The following GOLIM4 variants were observed in gnomAD, a reference collection of about 807,000 sequenced individuals.
The protein encoded by GOLIM4 is golgi integral membrane protein 4, also known as 130 kDa golgi-localized phosphoprotein.
A neutral mutation model predicts 107.4 loss-of-function variants in GOLIM4; 71 were observed. That is an observed-to-expected ratio of 0.66 (90% CI 0.55 to 0.81). The LOEUF (loss-of-function observed/expected upper bound fraction) is 0.81, where lower values mean the gene tolerates loss of function less well. Ranked by LOEUF, GOLIM4 falls within the 30% of genes least tolerant of loss-of-function variation. The pLI, the probability that GOLIM4 is intolerant of heterozygous loss-of-function variation, is 0.00. For missense variants in GOLIM4, 830 were observed against 826.1 expected (o/e 1.00, Z -0.06); for synonymous variants, 327 against 294.8 (o/e 1.11, Z -1.12).
chr3:168,037,089 T>C (rs188078540), intron 7 of GOLIM4, 95 bp from the exon 8 acceptor site: 2 of 521,678 alleles, frequency 3.8e-6, no homozygotes, highest in East Asian at 5.4e-5. Flanking sequence ...AAAAATATTG[T>C]ACCTAAATAC....
chr3:168,035,354 C>T (rs1480126141), intron 8 of GOLIM4, among the ~76,000 whole-genome samples: 1 of 152,162 alleles, frequency 6.6e-6, no homozygotes, highest in Non-Finnish European at 1.5e-5. Context: ...GACACATTCA[C>T]TGCAACACTA....
chr3:168,046,018 T>C (rs750800722), intron 3 of GOLIM4, among the ~76,000 whole-genome samples: 4 of 152,146 alleles, frequency 2.6e-5, no homozygotes, highest in Non-Finnish European at 5.9e-5. Context: ...TAGCTGGGAA[T>C]AGAGGCATGT....
intron 1 of GOLIM4, among the ~76,000 whole-genome samples, chr3:168,077,059 A>T (rs1721114731): frequency 6.6e-6 from 1 of 152,248 alleles, no homozygotes; most frequent in South Asian, 2.1e-4. Flanking sequence ...AATGTGACTA[A>T]AATTATGTTG....
intron 1 of GOLIM4, among the ~76,000 whole-genome samples, chr3:168,083,114 G>A (rs1577576570): frequency 1.3e-5 from 2 of 152,074 alleles, no homozygotes; most frequent in African/African-American, 2.4e-5. Flanking sequence ...TTTTCATAAC[G>A]TATTCTTATA....
intron 1 of GOLIM4, among the ~76,000 whole-genome samples, chr3:168,067,360 A>C (rs1333973867): frequency 6.6e-6 from 1 of 152,052 alleles, no homozygotes; most frequent in African/African-American, 2.4e-5. Context: ...AAATGGATAC[A>C]TAATTAGCAG....
chr3:168,095,470 A>G lies in GOLIM4; in HGVS notation c.-185T>C. 1.8e-6 allele frequency: 1 copy of G among 548,102 alleles called. No homozygotes were observed. Among genetic ancestry groups the G allele is most frequent in the South Asian group, 2.3e-5 (1 of 42,598 alleles). 34.0% of individuals were successfully genotyped at this position (548,102 alleles called of 1,614,324 possible). On this transcript the variant is annotated 5_prime_UTR_variant, in exon 1 of 16. Coordinates refer to ENST00000470487, the MANE Select transcript of GOLIM4 (RefSeq NM_014498.5). ...AGCCCCCGCGCGGCGCGGGGCGCGC[A>G]GCCATCGACGCCGCCCGGGCAGCTG...
chr3:168,070,759 G>T (rs1420463526), intron 1 of GOLIM4, among the ~76,000 whole-genome samples: 4 of 152,152 alleles, frequency 2.6e-5, no homozygotes, highest in African/African-American at 9.7e-5. Flanking sequence ...CTAGAAGAGG[G>T]TTGTTGCTTT....
chr3:168,024,697 T>G, intron 13 of GOLIM4, 103 bp from the exon 14 acceptor site: 1 of 985,974 alleles, frequency 1.0e-6, no homozygotes. Context: ...AAAAGGGCAC[T>G]TTCAAAGCGT....
intron 1 of GOLIM4, among the ~76,000 whole-genome samples, chr3:168,065,315 A>G: frequency 6.6e-6 from 1 of 152,228 alleles, no homozygotes; most frequent in African/African-American, 2.4e-5. Flanking sequence ...TAAGTAAGAG[A>G]GGAAAGATTC....
chr3:168,010,927 T>G, intron 14 of GOLIM4, 104 bp from the exon 15 acceptor site: 1 of 838,876 alleles, frequency 1.2e-6, no homozygotes, highest in Non-Finnish European at 2.0e-6. Context: ...TAATATATTT[T>G]GATTTCCAAA....
At chr3:168,083,705 T>C (rs1008065892) in intron 1 of GOLIM4, among the ~76,000 whole-genome samples, 2 of 152,196 alleles carry the variant, frequency 1.3e-5, no homozygotes, top group Admixed American at 6.6e-5. Context: ...CAATGAATGT[T>C]AGCTTATGAC....
chr3:168,051,926 C>G (rs950446932), intron 1 of GOLIM4, among the ~76,000 whole-genome samples: 1 of 151,402 alleles, frequency 6.6e-6, no homozygotes, highest in Non-Finnish European at 1.5e-5. Flanking sequence ...CTGAAGAAAC[C>G]ACATCAGGTA....
intron 5 of GOLIM4, 65 bp downstream of exon 5, chr3:168,043,314 T>C: frequency 9.0e-7 from 1 of 1,115,566 alleles, no homozygotes; most frequent in Non-Finnish European, 1.3e-6. Context: ...CAGTCTACAG[T>C]TGCACTGAAA....
chr3:168,042,672 A>G (rs1444749403), intron 5 of GOLIM4, among the ~76,000 whole-genome samples: 9 of 152,240 alleles, frequency 5.9e-5, no homozygotes, highest in African/African-American at 2.2e-4. Context: ...CAGGACTCAC[A>G]TGCACTCAGA....
intron 1 of GOLIM4, among the ~76,000 whole-genome samples, chr3:168,081,674 T>C (rs781394125): frequency 6.6e-6 from 1 of 152,146 alleles, no homozygotes. Flanking sequence ...AAATTTAAAA[T>C]GGTAATAACA....
At chr3:168,086,132 C>T (rs1221419301) in intron 1 of GOLIM4, among the ~76,000 whole-genome samples, 2 of 151,980 alleles carry the variant, frequency 1.3e-5, no homozygotes, top group Non-Finnish European at 2.9e-5. Flanking sequence ...GCATCCAAAC[C>T]TCTAAATAAA....
At chr3:168,013,234 G>T (rs1717161190) in intron 14 of GOLIM4, among the ~76,000 whole-genome samples, 1 of 151,476 alleles carries the variant, frequency 6.6e-6, no homozygotes, top group Non-Finnish European at 1.5e-5. Flanking sequence ...GGCAGGGGTT[G>T]CAATCCGAGT....
chr3:168,013,792 G>A (rs1209770854), intron 14 of GOLIM4, among the ~76,000 whole-genome samples: 3,105 of 150,758 alleles, frequency 0.021, 56 homozygotes, highest in Middle Eastern at 0.045. Flanking sequence ...AATGACTACT[G>A]GGTACATAAC....
chr3:168,074,639 G>GGGC (rs1720982567), intron 1 of GOLIM4, among the ~76,000 whole-genome samples: 1 of 152,090 alleles, frequency 6.6e-6, no homozygotes, highest in African/African-American at 2.4e-5. Context: ...AATCATCTTT[G>GGGC]TAACCTACTG....
Sources: gnomAD v4.1 joint callset for allele counts (sites outside exome capture counted in the v4.1 genomes callset) on GRCh38, gnomAD v4.1.1 for gene constraint, MANE v1.5 for transcripts, NCBI Gene and HGNC (gene_info 2026-07-23, HGNC 2026-07-21) for gene names.